Variants in USPL1 observed in about 807,000 individuals in gnomAD.
USPL1 encodes the protein ubiquitin specific peptidase like 1, also known as SUMO-specific isopeptidase USPL1.
USPL1 carries 27 observed loss-of-function variants against 51.5 expected under a neutral mutation model. The ratio of observed to expected loss-of-function variants is 0.52; its 90% CI spans 0.39 to 0.72. The LOEUF is 0.72. USPL1 is among the 30% of genes least tolerant of loss of function. USPL1 has a pLI of 0.00. For missense variants in USPL1, 1,226 were observed against 1,268.0 expected (o/e 0.97, Z 0.50); for synonymous variants, 451 against 459.6 (o/e 0.98, Z 0.24).
chr13:30,631,110 C>T lies in USPL1; in HGVS notation c.504C>T (p.Ser168=). The T allele has an allele frequency of 6.2e-7, 1 of 1,614,158 alleles. No individual in the cohort carries two copies. The highest frequency in any genetic ancestry group is 8.5e-7 in the Non-Finnish European group (1 of 1,180,036). The change falls in exon 4 of 9, where the codon TCC becomes TCT. Residue 168 remains serine (S), a synonymous_variant. Transcript: ENST00000255304. ...GQQNPIRTAD[S]LERNEILEAD... ...AGAATCCAATTAGGACAGCTGATTC[C>T]TTGGAGCGGAATGAGATTTTGGAAG... is the stretch of plus-strand genomic sequence containing the variant.
rs564694392 is a variant in USPL1, at chr13:30,649,193, G to A, written c.1238+2136G>A. Among the ~76,000 whole-genome samples the A allele has an allele frequency of 6.2e-4, 95 of 152,268 alleles. 5 individuals carry two copies. In the South Asian group the frequency reaches 0.019, roughly 30 times the overall value. On this transcript the variant is annotated intron_variant, in intron 7 of 8. Transcript: ENST00000255304. ...TTTATGAGCAGAATTTATAATGTGG[G>A]CATTTCCTGTTTTCTTCAAAAGTAA...
Position 30,659,353 on chromosome 13 carries a change from T to G in USPL1, c.3276T>G (p.Tyr1092Ter). 6.3e-7 allele frequency: 1 copy of G among 1,577,180 alleles called. No homozygotes were observed. The highest frequency in any genetic ancestry group is 1.4e-5 in the African/African-American group (1 of 72,962). ...PHFDEYLFEN[Y>*] ...TCGATGAATATCTGTTTGAGAATTA[T>G]TGAATTAATGCTTGTTAACTTTTTT... Residue 1092 changes from tyrosine (Y) to a stop codon, truncating the protein, a stop_gained, in exon 9 of 9, where the codon TAT becomes TAG. Coordinates refer to ENST00000255304, the MANE Select transcript of USPL1 (RefSeq NM_005800.5). LOFTEE classifies it high-confidence loss of function.
intron 4 of USPL1, among the ~76,000 whole-genome samples, chr13:30,632,672 A>G (rs545934829): frequency 3.8e-4 from 58 of 152,212 alleles, no homozygotes; most frequent in African/African-American, 1.4e-3. Context: ...TTGGCCTCCC[A>G]AAGTGCTGAA....
At chr13:30,654,339 C>G (rs998913902) in intron 8 of USPL1, among the ~76,000 whole-genome samples, 4 of 151,862 alleles carry the variant, frequency 2.6e-5, no homozygotes, top group Non-Finnish European at 2.9e-5. Context: ...TCGTTCCTCT[C>G]TCTCATTCTC....
In USPL1 at chr13:30,658,321, A is replaced by G. The variant is rs773877436; in HGVS notation, c.2244A>G (p.Lys748=). The G allele has an allele frequency of 5.6e-6, 9 of 1,614,062 alleles. No individual in the cohort carries two copies. Among genetic ancestry groups the G allele is most frequent in the Non-Finnish European group, 7.6e-6 (9 of 1,180,038 alleles). ...TSKSLQNQSL[K]ENQKKPFVGS... is the part of the protein sequence containing the mutation. ...AGTCATTACAGAATCAGTCTCTGAAAGAAAATCAGAAGAAGCCATTTGTGG... is the reference window on the plus strand; with the variant it reads ...AGTCATTACAGAATCAGTCTCTGAAGGAAAATCAGAAGAAGCCATTTGTGG... Residue 748 remains lysine, a synonymous_variant, in exon 9 of 9, where the codon AAA becomes AAG. Coordinates refer to ENST00000255304, the MANE Select transcript of USPL1 (RefSeq NM_005800.5).
chr13:30,648,663 ACTT>A (rs1951049170), intron 7 of USPL1, among the ~76,000 whole-genome samples: 1 of 151,870 alleles, frequency 6.6e-6, no homozygotes, highest in African/African-American at 2.4e-5. Flanking sequence ...TAAATATTTG[ACTT>A]CTTATTTGCT....
In USPL1 at chr13:30,653,139, C is replaced by T. The variant is rs747784334; in HGVS notation, c.1239-9C>T. 2 of 1,562,886 alleles carry T rather than the reference C, an allele frequency of 1.3e-6. No homozygotes were observed. The highest frequency in any genetic ancestry group is 1.7e-4 in the Middle Eastern group (1 of 5,848). ...TTTATTTAACTTCTCTTGCTTTTCTCTCCCACAGAGTATCTCCCATATTCA... is the reference window on the plus strand; with the variant it reads ...TTTATTTAACTTCTCTTGCTTTTCTTTCCCACAGAGTATCTCCCATATTCA... On this transcript the variant is annotated splice_polypyrimidine_tract_variant and intron_variant, in intron 7 of 8. Transcript: ENST00000255304.
chr13:30,657,824 A>G lies in USPL1; in HGVS notation c.1747A>G (p.Ile583Val), dbSNP rs41412648. ...AGGTCCAAAAGGTTTGGTTGACAAT[A>G]TTTTACCTCTGACACTTGAAGAAAC... ...LSGPKGLVDNILPLTLEETIQ... is the reference protein window; with the variant it reads ...LSGPKGLVDNVLPLTLEETIQ... The change falls in exon 9 of 9, where the codon ATT (isoleucine) becomes GTT (valine). Residue 583 changes from isoleucine (I) to valine (V), a missense_variant. Ile to Val is a conservative substitution (Grantham distance 29, BLOSUM62 3). Transcript: ENST00000255304. 1.4e-3 allele frequency: 2,200 copies of G among 1,614,002 alleles called. 34 individuals carry two copies. In the African/African-American group the frequency reaches 0.026, roughly 19 times the overall value.
In USPL1 at chr13:30,631,019, ACAG is replaced by A; in HGVS notation, c.416_418del (p.Ser139del). 1 of 1,614,154 alleles carries A rather than the reference ACAG, an allele frequency of 6.2e-7. No individual in the cohort carries two copies. The highest frequency in any genetic ancestry group is 8.5e-7 in the Non-Finnish European group (1 of 1,180,040). On this transcript the variant is annotated inframe_deletion, in exon 4 of 9. Transcript: ENST00000255304. ...GCTATTGACGGTGGAAAAGTTTTGA[ACAG>A]CAAACATAATGGAGAAGTATATGAC...
chr13:30,647,103 A>G, intron 7 of USPL1, 46 bp downstream of exon 7: 1 of 1,564,554 alleles, frequency 6.4e-7, no homozygotes, highest in East Asian at 2.3e-5. Context: ...ATGAAGGTGG[A>G]TTTACATTTT....
chr13:30,630,925 A>C lies in USPL1; in HGVS notation c.319A>C (p.Lys107Gln). Residue 107 changes from lysine (K) to glutamine (Q), a missense_variant, in exon 4 of 9, where the codon AAG becomes CAG. By Grantham distance (53) the Lys-to-Gln change is moderately conservative. Coordinates refer to ENST00000255304, the MANE Select transcript of USPL1 (RefSeq NM_005800.5). ...CHTPHKPQKR[K>Q]SLESSYKDSL... is the part of the protein sequence containing the mutation. ...CACTCCACATAAGCCTCAGAAAAGG[A>C]AGAGCTTAGAAAGCAGCTATAAGGA... The C allele has an allele frequency of 6.2e-7, 1 of 1,614,156 alleles. No individual in the cohort carries two copies. The highest frequency in any genetic ancestry group is 8.5e-7 in the Non-Finnish European group (1 of 1,180,036).
intron 7 of USPL1, 95 bp downstream of exon 7, chr13:30,647,152 C>A (rs1439020205): frequency 4.5e-6 from 6 of 1,331,062 alleles, no homozygotes; most frequent in Non-Finnish European, 6.2e-6. Flanking sequence ...CAACAACTTA[C>A]CTTTCTGAAA....
At position 30,630,860 on chromosome 13, in the gene USPL1, C is replaced by A; in HGVS notation, c.254C>A (p.Ser85Ter). The change falls in exon 4 of 9, where the codon TCA becomes TAA. Residue 85 changes from serine (S) to a stop codon, truncating the protein, a stop_gained. Coordinates refer to ENST00000255304, the MANE Select transcript of USPL1 (RefSeq NM_005800.5). LOFTEE classifies it high-confidence loss of function. ...LQCIYPLGSK[S>*]LNNLISPDLE... is the part of the protein sequence containing the mutation. ...TGCATCTATCCTTTGGGCTCTAAAT[C>A]ACTTAATAACCTAATTTCTCCTGAT... The A allele has an allele frequency of 6.2e-7, 1 of 1,608,450 alleles. No individual in the cohort carries two copies. The highest frequency in any genetic ancestry group is 1.1e-5 in the South Asian group (1 of 89,862).
chr13:30,638,220 G>C (rs1293523920), intron 5 of USPL1, among the ~76,000 whole-genome samples: 195 of 152,340 alleles, frequency 1.3e-3, no homozygotes, highest in African/African-American at 4.5e-3. Flanking sequence ...AAATGCCAAT[G>C]CTGGGGCATT....
At position 30,657,838 on chromosome 13, in the gene USPL1, A is replaced by T. The variant is rs1199643328; in HGVS notation, c.1761A>T (p.Thr587=). 2.5e-6 allele frequency: 4 copies of T among 1,613,926 alleles called. No individual in the cohort carries two copies. Among genetic ancestry groups the T allele is most frequent in the Non-Finnish European group, 3.4e-6 (4 of 1,180,042 alleles). ...TGGTTGACAATATTTTACCTCTGAC[A>T]CTTGAAGAAACTATCCAGAAAACAG... is the stretch of plus-strand genomic sequence containing the variant. ...KGLVDNILPL[T]LEETIQKTAS... Residue 587 remains threonine, a synonymous_variant, in exon 9 of 9, where the codon ACA becomes ACT. Transcript: ENST00000255304.
intron 3 of USPL1, among the ~76,000 whole-genome samples, chr13:30,627,638 A>G (rs1950737050): frequency 6.6e-6 from 1 of 151,938 alleles, no homozygotes; most frequent in Non-Finnish European, 1.5e-5. Context: ...AGATTCACAA[A>G]GGGTTTTCGT....
intron 3 of USPL1, among the ~76,000 whole-genome samples, chr13:30,623,891 C>A (rs1950676674): frequency 6.6e-6 from 1 of 152,142 alleles, no homozygotes. Flanking sequence ...CTCTTCTGTC[C>A]CATACCTTGC....
At position 30,631,565 on chromosome 13, in the gene USPL1, A is replaced by C. The variant is rs1036497913; in HGVS notation, c.868+91A>C. 3.9e-6 allele frequency: 5 copies of C among 1,293,114 alleles called. No homozygotes were observed. The South Asian group carries it at 6.1e-5, about 16-fold the overall frequency. 80.1% of individuals were successfully genotyped at this position (1,293,114 alleles called of 1,614,324 possible). The stretch of plus-strand genomic sequence containing the variant: ...ACCCAGGCTGGAGTGCAGTGGCATG[A>C]TCATGTCTCCTTGCAGCCTTGACTT... On this transcript the variant is annotated intron_variant, in intron 4 of 8. Transcript: ENST00000255304.
At position 30,653,275 on chromosome 13, in the gene USPL1, C is replaced by A; in HGVS notation, c.1366C>A (p.His456Asn). Residue 456 changes from histidine to asparagine, a missense_variant, in exon 8 of 9, where the codon CAT (histidine) becomes AAT (asparagine). Coordinates refer to ENST00000255304, the MANE Select transcript of USPL1 (RefSeq NM_005800.5). ...TSVIQYRANNHFITWILDADG... is the reference protein window; with the variant it reads ...TSVIQYRANNNFITWILDADG... ...TGTAATTCAGTATCGAGCAAATAAT[C>A]ATTTTATAACATGGATTTTAGATGC... is the stretch of plus-strand genomic sequence containing the variant. The A allele has an allele frequency of 6.2e-7, 1 of 1,604,552 alleles. No individual in the cohort carries two copies. Among genetic ancestry groups the A allele is most frequent in the South Asian group, 1.1e-5 (1 of 90,026 alleles).
Sources: gnomAD v4.1 joint callset for allele counts (sites outside exome capture counted in the v4.1 genomes callset) on GRCh38, gnomAD v4.1.1 for gene constraint, MANE v1.5 for transcripts, NCBI Gene and HGNC (gene_info 2026-07-23, HGNC 2026-07-21) for gene names.